The following CTNND2 variants were observed in gnomAD, a reference collection of about 807,000 sequenced individuals.
CTNND2 encodes catenin delta-2.
CTNND2 carries 22 observed loss-of-function variants against 144.4 expected under a neutral mutation model. The ratio of observed to expected loss-of-function variants is 0.15; its 90% CI spans 0.11 to 0.22. The LOEUF is 0.22. CTNND2 is among the 10% of genes least tolerant of loss of function. CTNND2 has a pLI of 1.00. For missense variants in CTNND2, 1,353 were observed against 1,618.8 expected (o/e 0.84, Z 2.82); for synonymous variants, 751 against 695.6 (o/e 1.08, Z -1.25).
intron 2 of CTNND2, among the ~76,000 whole-genome samples, chr5:11,717,716 G>A (rs1037961825): frequency 1.3e-5 from 2 of 152,110 alleles, no homozygotes; most frequent in African/African-American, 2.4e-5. Context: ...TCTTACATGG[G>A]GGCAGGCGAA....
chr5:11,853,478 T>C (rs1164025812), intron 1 of CTNND2, among the ~76,000 whole-genome samples: 2 of 152,152 alleles, frequency 1.3e-5, no homozygotes, highest in African/African-American at 4.8e-5. Flanking sequence ...TCATCCAGTC[T>C]GGTGACTTTA....
chr5:11,143,627 C>A (rs1022923702), intron 12 of CTNND2, among the ~76,000 whole-genome samples: 1 of 152,192 alleles, frequency 6.6e-6, no homozygotes, highest in Non-Finnish European at 1.5e-5. Context: ...ACTTTATCAG[C>A]AATGAACTTA....
At chr5:11,885,728 T>A (rs1736471850) in intron 1 of CTNND2, among the ~76,000 whole-genome samples, 1 of 152,174 alleles carries the variant, frequency 6.6e-6, no homozygotes, top group South Asian at 2.1e-4. Context: ...AATACACATT[T>A]TTTTTCATCA....
chr5:11,256,243 G>T (rs1460873151), intron 9 of CTNND2, among the ~76,000 whole-genome samples: 4 of 152,122 alleles, frequency 2.6e-5, no homozygotes, highest in Non-Finnish European at 5.9e-5. Flanking sequence ...TTGATAATAT[G>T]CCTAGGTCAT....
At chr5:11,644,606 G>T (rs1023163317) in intron 2 of CTNND2, among the ~76,000 whole-genome samples, 1 of 151,490 alleles carries the variant, frequency 6.6e-6, no homozygotes, top group Non-Finnish European at 1.5e-5. Context: ...CCTGGGAGCC[G>T]GAGCTTGCAG....
chr5:11,229,593 C>A (rs1046080209), intron 10 of CTNND2, among the ~76,000 whole-genome samples: 3 of 151,694 alleles, frequency 2.0e-5, no homozygotes, highest in Admixed American at 6.6e-5. Flanking sequence ...TGAAAATGTG[C>A]AAACACTTTT....
At chr5:11,708,425 G>C (rs1785839571) in intron 2 of CTNND2, among the ~76,000 whole-genome samples, 1 of 152,060 alleles carries the variant, frequency 6.6e-6, no homozygotes, top group Admixed American at 6.5e-5. Context: ...TTCTTTAAGG[G>C]TTTAATCATG....
chr5:11,135,788 C>T (rs1389950128), intron 12 of CTNND2, among the ~76,000 whole-genome samples: 1 of 152,186 alleles, frequency 6.6e-6, no homozygotes, highest in Non-Finnish European at 1.5e-5. Flanking sequence ...CTCCTACATG[C>T]ACTGGCCCCT....
At chr5:11,245,393 T>G (rs1292330487) in intron 9 of CTNND2, among the ~76,000 whole-genome samples, 2 of 152,134 alleles carry the variant, frequency 1.3e-5, no homozygotes, top group East Asian at 1.9e-4. Context: ...GATCCTCGGT[T>G]AGCCAGTGGG....
intron 1 of CTNND2, among the ~76,000 whole-genome samples, chr5:11,858,108 T>C (rs1795334122): frequency 6.6e-6 from 1 of 152,204 alleles, no homozygotes; most frequent in Non-Finnish European, 1.5e-5. Context: ...TTTTTTAAAG[T>C]AACTTTATAT....
intron 1 of CTNND2, among the ~76,000 whole-genome samples, chr5:11,741,057 G>A (rs1034470576): frequency 6.6e-6 from 1 of 152,130 alleles, no homozygotes; most frequent in South Asian, 2.1e-4. Context: ...TCATTAAAAA[G>A]TCAGGAAACA....
chr5:11,796,307 T>C (rs1198258986), intron 1 of CTNND2, among the ~76,000 whole-genome samples: 1 of 152,218 alleles, frequency 6.6e-6, no homozygotes, highest in Non-Finnish European at 1.5e-5. Context: ...TTCCACGAAC[T>C]ACACTGATGC....
chr5:11,083,845 C>G, intron 15 of CTNND2: 1 of 1,086,916 alleles, frequency 9.2e-7, no homozygotes, highest in Non-Finnish European at 1.1e-6. Flanking sequence ...ACCCCCCTTC[C>G]CCCATGGGGG....
chr5:11,665,746 T>G (rs557481684), intron 2 of CTNND2, among the ~76,000 whole-genome samples: 2 of 152,178 alleles, frequency 1.3e-5, no homozygotes, highest in Non-Finnish European at 2.9e-5. Context: ...CAGGGGCCAG[T>G]TGAATCACAG....
chr5:11,136,746 TG>T (rs1756192738), intron 12 of CTNND2, among the ~76,000 whole-genome samples: 1 of 152,232 alleles, frequency 6.6e-6, no homozygotes, highest in African/African-American at 2.4e-5. Context: ...GGAAGTCTCA[TG>T]TAGCAGCTGC....
intron 9 of CTNND2, among the ~76,000 whole-genome samples, chr5:11,245,802 C>A (rs1238428805): frequency 1.3e-5 from 2 of 152,188 alleles, no homozygotes; most frequent in African/African-American, 4.8e-5. Context: ...AAGAGACCAC[C>A]CCATTAGGGC....
intron 15 of CTNND2, among the ~76,000 whole-genome samples, chr5:11,090,269 A>T (rs564650636): frequency 1.3e-5 from 2 of 152,320 alleles, no homozygotes; most frequent in Non-Finnish European, 2.9e-5. Context: ...TGTGAAGTTG[A>T]CTGCTCAGGT....
chr5:11,698,330 C>A (rs945064858), intron 2 of CTNND2, among the ~76,000 whole-genome samples: 1 of 151,440 alleles, frequency 6.6e-6, no homozygotes, highest in African/African-American at 2.4e-5. Context: ...GCTCTGTCGC[C>A]CAGGCTGGAA....
intron 1 of CTNND2, among the ~76,000 whole-genome samples, chr5:11,818,284 G>A (rs146165434): frequency 2.6e-5 from 4 of 152,052 alleles, no homozygotes; most frequent in African/African-American, 7.2e-5. Flanking sequence ...CTCATATAGC[G>A]GTGATACCCG....
Sources: allele counts gnomAD v4.1 joint callset (sites outside exome capture counted in the v4.1 genomes callset), GRCh38; gene constraint gnomAD v4.1.1; transcripts MANE v1.5; gene names NCBI Gene and HGNC (gene_info 2026-07-23, HGNC 2026-07-21).